GALNT17: variants seen among roughly 807,000 people sequenced by gnomAD.
GALNT17 encodes polypeptide N-acetylgalactosaminyltransferase 17.
Under a neutral mutation model 63.7 loss-of-function variants are expected in GALNT17, and 29 were observed. That is an observed-to-expected ratio of 0.46 (90% CI 0.34 to 0.62). The LOEUF is 0.62. Ranked by LOEUF, GALNT17 falls within the 20% of genes least tolerant of loss-of-function variation. GALNT17 has a pLI of 0.01. For synonymous variants in GALNT17, 305 were observed against 318.3 expected, an observed-to-expected ratio of 0.96 and a Z score of 0.45; for missense variants, 603 against 799.6, an observed-to-expected ratio of 0.75 and a Z score of 2.97.
At chr7:71,675,768 C>A (rs1180870931) in intron 8 of GALNT17, among the ~76,000 whole-genome samples, 1 of 152,196 alleles carries the variant, frequency 6.6e-6, no homozygotes, top group Non-Finnish European at 1.5e-5. Flanking sequence ...AGGTGGATCA[C>A]CTGAAGTCAG....
intron 6 of GALNT17, among the ~76,000 whole-genome samples, chr7:71,599,268 A>G (rs1224156401): frequency 6.6e-6 from 1 of 152,188 alleles, no homozygotes; most frequent in South Asian, 2.1e-4. Flanking sequence ...ACTTGGTCCA[A>G]TTGCATTGGG....
At chr7:71,613,385 G>GTT (rs898042079) in intron 6 of GALNT17, among the ~76,000 whole-genome samples, 1 of 152,172 alleles carries the variant, frequency 6.6e-6, no homozygotes, top group Non-Finnish European at 1.5e-5. Flanking sequence ...GGAATTGACC[G>GTT]TTTGTCAGAC....
intron 5 of GALNT17, among the ~76,000 whole-genome samples, chr7:71,553,945 G>T (rs541550751): frequency 6.6e-6 from 1 of 152,212 alleles, no homozygotes; most frequent in East Asian, 1.9e-4. Context: ...TTGGGGCAAC[G>T]AGAGAGGTGT....
intron 1 of GALNT17, among the ~76,000 whole-genome samples, chr7:71,140,030 C>T (rs1252366097): frequency 1.3e-5 from 2 of 152,042 alleles, no homozygotes; most frequent in Non-Finnish European, 2.9e-5. Context: ...AAACCAAAAA[C>T]AAAAAGAGAG....
At chr7:71,494,001 C>T (rs974512853) in intron 5 of GALNT17, among the ~76,000 whole-genome samples, 4 of 151,878 alleles carry the variant, frequency 2.6e-5, no homozygotes, top group African/African-American at 9.7e-5. Context: ...GTGTATTAGT[C>T]CATTTTCACA....
At chr7:71,509,793 G>A (rs1342376129) in intron 5 of GALNT17, among the ~76,000 whole-genome samples, 1 of 152,140 alleles carries the variant, frequency 6.6e-6, no homozygotes, top group African/African-American at 2.4e-5. Flanking sequence ...TGGGCAGCTG[G>A]GGTTCAACCT....
chr7:71,533,682 C>T (rs1375924877), intron 5 of GALNT17, among the ~76,000 whole-genome samples: 1 of 152,160 alleles, frequency 6.6e-6, no homozygotes, highest in East Asian at 1.9e-4. Flanking sequence ...GGTTTCTTTG[C>T]ATGTGCTGCT....
chr7:71,632,548 G>A (rs569573769), intron 6 of GALNT17, among the ~76,000 whole-genome samples: 11 of 152,136 alleles, frequency 7.2e-5, no homozygotes, highest in Non-Finnish European at 1.3e-4. Context: ...TTTCAGCCGA[G>A]CTGAATACAT....
At position 71,690,408 on chromosome 7, in the gene GALNT17, A is replaced by G. The variant is rs202011830; in HGVS notation, c.1500+13102A>G. On this transcript the variant is annotated intron_variant, in intron 9 of 10. Coordinates refer to ENST00000333538, the MANE Select transcript of GALNT17 (RefSeq NM_022479.3). ...GATTCCTTTCACAATATCACTGCTC[A>G]TTGATAATGGTCACCTAGGAGCTCT... is the stretch of plus-strand genomic sequence containing the variant. 2.9e-4 allele frequency among the ~76,000 whole-genome samples: 44 copies of G among 152,148 alleles called. No individual in the cohort carries two copies. The East Asian group carries it at 8.1e-3, about 28-fold the overall frequency.
chr7:71,288,102 G>A (rs571237258), intron 1 of GALNT17, among the ~76,000 whole-genome samples: 1 of 148,532 alleles, frequency 6.7e-6, no homozygotes, highest in South Asian at 2.1e-4. Context: ...TGTAGTCCCA[G>A]CTACTCGGGA....
At chr7:71,627,938 T>G (rs1790397650) in intron 6 of GALNT17, among the ~76,000 whole-genome samples, 1 of 151,960 alleles carries the variant, frequency 6.6e-6, no homozygotes, top group Non-Finnish European at 1.5e-5. Context: ...CAATAATTGG[T>G]TCTTGAAGGG....
chr7:71,672,218 G>T (rs1313749692), intron 8 of GALNT17, among the ~76,000 whole-genome samples: 1 of 152,126 alleles, frequency 6.6e-6, no homozygotes, highest in East Asian at 1.9e-4. Flanking sequence ...AAGACAATTG[G>T]CTCAATTGCC....
In GALNT17 at chr7:71,466,072, C is replaced by T. The variant is rs533479260; in HGVS notation, c.962+44967C>T. ...GAGATTCTTTACAGATGCAAATTTCCGCCACAAAAGATAGCTTTGCAAGGC... is the reference window on the plus strand; with the variant it reads ...GAGATTCTTTACAGATGCAAATTTCTGCCACAAAAGATAGCTTTGCAAGGC... On this transcript the variant is annotated intron_variant, in intron 5 of 10. Transcript: ENST00000333538. Among the ~76,000 whole-genome samples, 7 of 152,242 alleles carry T rather than the reference C, an allele frequency of 4.6e-5. 1 individual carries two copies. The South Asian group carries it at 1.0e-3, about 23-fold the overall frequency.
chr7:71,177,932 CCTT>C, intron 1 of GALNT17, among the ~76,000 whole-genome samples: 1 of 152,076 alleles, frequency 6.6e-6, no homozygotes, highest in East Asian at 1.9e-4. Flanking sequence ...ATTTAGGTAA[CCTT>C]CTAAATGTGT....
At chr7:71,175,176 C>A (rs536599545) in intron 1 of GALNT17, among the ~76,000 whole-genome samples, 1 of 152,094 alleles carries the variant, frequency 6.6e-6, no homozygotes, top group South Asian at 2.1e-4. Flanking sequence ...TTCTTCCTTT[C>A]CATCTATCCA....
intron 1 of GALNT17, among the ~76,000 whole-genome samples, chr7:71,260,356 C>A (rs907078766): frequency 5.9e-5 from 9 of 152,170 alleles, no homozygotes; most frequent in African/African-American, 2.2e-4. Flanking sequence ...CCAGGAGAGC[C>A]CAGGATCTGT....
chr7:71,675,624 CAAAGAA>C (rs1209862348), intron 8 of GALNT17, among the ~76,000 whole-genome samples: 1 of 151,230 alleles, frequency 6.6e-6, no homozygotes, highest in Non-Finnish European at 1.5e-5. Flanking sequence ...CCCTGTCACT[CAAAGAA>C]AAAGAAAGAA....
rs185757556 is a variant in GALNT17 at position 71,258,518 on chromosome 7, A to T, written c.239-77032A>T. Among the ~76,000 whole-genome samples the T allele has an allele frequency of 2.0e-3, 303 of 151,952 alleles. 1 individual carries two copies. The highest frequency in any genetic ancestry group is 7.1e-3 in the African/African-American group (295 of 41,544). ...CTCTGAGGATCTAAGAGTAAATGAG[A>T]CATGTGTCCATCCCCAAGAAGTTTT... On this transcript the variant is annotated intron_variant, in intron 1 of 10. Coordinates refer to ENST00000333538, the MANE Select transcript of GALNT17 (RefSeq NM_022479.3).
intron 2 of GALNT17, among the ~76,000 whole-genome samples, chr7:71,385,392 A>G (rs1792922594): frequency 6.6e-6 from 1 of 152,158 alleles, no homozygotes; most frequent in African/African-American, 2.4e-5. Context: ...CCCTGCCCTG[A>G]GGGATGATGG....
Sources: allele counts gnomAD v4.1 joint callset (sites outside exome capture counted in the v4.1 genomes callset), GRCh38; gene constraint gnomAD v4.1.1; transcripts MANE v1.5; gene names NCBI Gene and HGNC (gene_info 2026-07-23, HGNC 2026-07-21).